The following SYCP2 variants were observed in gnomAD, a reference collection of about 807,000 sequenced individuals.
The protein encoded by SYCP2 is synaptonemal complex lateral element protein.
In SYCP2, 55 loss-of-function variants were observed where a neutral mutation model predicts 211.3. The observed-to-expected ratio is 0.26, with a 90% CI of 0.21 to 0.33. The LOEUF (loss-of-function observed/expected upper bound fraction) is 0.33. SYCP2 is among the 10% of genes least tolerant of loss of function. SYCP2 has a pLI of 1.00. For missense variants in SYCP2, 1,731 were observed against 1,752.0 expected, an observed-to-expected ratio of 0.99 and a Z score of 0.21; for synonymous variants, 570 against 555.2, an observed-to-expected ratio of 1.03 and a Z score of -0.37.
At chr20:59,887,270 A>G (rs2059809702) in intron 24 of SYCP2, among the ~76,000 whole-genome samples, 2 of 151,880 alleles carry the variant, frequency 1.3e-5, no homozygotes, top group Admixed American at 1.3e-4. Flanking sequence ...TCCTTGCAAT[A>G]GTTTGCTGAG....
At chr20:59,920,328 C>T (rs1453729625) in intron 5 of SYCP2, 31 bp downstream of exon 5, 4 of 1,481,654 alleles carry the variant, frequency 2.7e-6, no homozygotes, top group Non-Finnish European at 3.7e-6. Flanking sequence ...ATATTTCATT[C>T]ACATGAATAT....
intron 33 of SYCP2, among the ~76,000 whole-genome samples, chr20:59,876,452 T>C (rs1212585919): frequency 7.1e-6 from 1 of 141,220 alleles, no homozygotes; most frequent in Non-Finnish European, 1.5e-5. Flanking sequence ...TAGGAAGTCT[T>C]TAAAGCATTT....
chr20:59,865,263 T>C (rs778723562), intron 44 of SYCP2, 125 bp downstream of exon 44: 36 of 710,996 alleles, frequency 5.1e-5, no homozygotes, highest in East Asian at 5.5e-5. Context: ...CTAAAAGTAA[T>C]TGGGCTAAAA....
In SYCP2 at chr20:59,892,078, G is replaced by A; in HGVS notation, c.2276C>T (p.Ser759Phe). Reference sequence around the variant, plus strand: ...ATGACTTTGCACATTTTTGCTAGCAGATGGATTTTTATCGCAAGTAGCAGT... The same window carrying A: ...ATGACTTTGCACATTTTTGCTAGCAAATGGATTTTTATCGCAAGTAGCAGT... The part of the protein sequence containing the change: ...VNTATCDKNP[S>F]ASKNVQSHRK... The change falls in exon 24 of 45, where the codon TCT becomes TTT. Residue 759 changes from serine (S) to phenylalanine (F), a missense_variant. By Grantham distance (155) the Ser-to-Phe change is radical (BLOSUM62 -2). Coordinates refer to ENST00000357552, the MANE Select transcript of SYCP2 (RefSeq NM_014258.4). 6.2e-7 allele frequency: 1 copy of A among 1,611,658 alleles called. No homozygotes were observed. Among genetic ancestry groups the A allele is most frequent in the Non-Finnish European group, 8.5e-7 (1 of 1,178,780 alleles).
At chr20:59,903,426 G>GA (rs2060154926) in intron 15 of SYCP2, among the ~76,000 whole-genome samples, 1 of 152,058 alleles carries the variant, frequency 6.6e-6, no homozygotes, top group Non-Finnish European at 1.5e-5. Flanking sequence ...GAAGACATAG[G>GA]ATAAAAGTAG....
intron 2 of SYCP2, among the ~76,000 whole-genome samples, chr20:59,928,638 TAAAAC>T (rs575650898): frequency 8.6e-4 from 131 of 152,188 alleles, no homozygotes; most frequent in African/African-American, 2.6e-3. Flanking sequence ...AATGGATCAA[TAAAAC>T]AAAACAGAAT....
chr20:59,918,341 C>T (rs1300459338), intron 7 of SYCP2, among the ~76,000 whole-genome samples: 1 of 152,178 alleles, frequency 6.6e-6, no homozygotes, highest in African/African-American at 2.4e-5. Flanking sequence ...GAAAGGCAAG[C>T]AATGCTATGC....
At position 59,920,559 on chromosome 20, in the gene SYCP2, G is replaced by A. The variant is rs1298176803; in HGVS notation, c.169-72C>T. The A allele has an allele frequency of 5.9e-6, 7 of 1,184,966 alleles. No individual in the cohort carries two copies. In the Admixed American group the frequency reaches 6.4e-5, roughly 11 times the overall value. 73.4% of individuals were successfully genotyped at this position (1,184,966 alleles called of 1,614,324 possible). A position where few individuals can be genotyped will look rare whatever the true frequency, so the allele number is the denominator to read the frequency against. The stretch of plus-strand genomic sequence containing the variant: ...ATGAAATAGACATTGTACAAGGAGT[G>A]TTACACATATATTTTAATCTTCACA... On this transcript the variant is annotated intron_variant, in intron 4 of 44. Transcript: ENST00000357552.
chr20:59,895,756 A>T (rs878867472), intron 19 of SYCP2, among the ~76,000 whole-genome samples, 159 bp from the exon 20 acceptor site: 6 of 152,122 alleles, frequency 3.9e-5, no homozygotes, highest in South Asian at 4.1e-4. Context: ...CTACCAAGAT[A>T]ATAAGTGAAG....
intron 2 of SYCP2, among the ~76,000 whole-genome samples, chr20:59,928,275 T>C (rs570954398): frequency 6.6e-6 from 1 of 152,320 alleles, no homozygotes; most frequent in South Asian, 2.1e-4. Context: ...CATTTTTTAA[T>C]ATAAATAACT....
At chr20:59,870,863 A>G (rs113520050) in intron 35 of SYCP2, among the ~76,000 whole-genome samples, 4 of 151,832 alleles carry the variant, frequency 2.6e-5, no homozygotes, top group Non-Finnish European at 5.9e-5. Flanking sequence ...TCCACTCCTG[A>G]TGTCGCACTA....
In SYCP2 at chr20:59,896,582, T is replaced by C. The variant is rs2060012285; in HGVS notation, c.1405-54A>G. 3.9e-5 allele frequency: 36 copies of C among 915,922 alleles called. 1 individual carries two copies. In the South Asian group the frequency reaches 5.0e-4, roughly 13 times the overall value. 56.7% of individuals were successfully genotyped at this position (915,922 alleles called of 1,614,324 possible). On this transcript the variant is annotated intron_variant, in intron 18 of 44. Coordinates refer to ENST00000357552, the MANE Select transcript of SYCP2 (RefSeq NM_014258.4). ...TAAACACAGTCTTTTTGAAATTAAA[T>C]ATCCTACAATTTTACTTATAACATT...
chr20:59,916,900 G>C (rs1432990136), intron 7 of SYCP2, among the ~76,000 whole-genome samples: 1 of 152,104 alleles, frequency 6.6e-6, no homozygotes, highest in African/African-American at 2.4e-5. Flanking sequence ...GCCTGGGTGA[G>C]AGTGAGACCC....
intron 14 of SYCP2, among the ~76,000 whole-genome samples, chr20:59,907,660 C>CA (rs909978890): frequency 5.3e-5 from 8 of 151,230 alleles, no homozygotes; most frequent in South Asian, 2.1e-4. Context: ...TATTCTTAAC[C>CA]AAAAAAAAGA....
Position 59,892,035 on chromosome 20 carries a change from T to A in SYCP2, c.2319A>T (p.Glu773Asp), listed in dbSNP as rs949324542. The A allele has an allele frequency of 1.2e-6, 2 of 1,606,344 alleles. No individual in the cohort carries two copies. The highest frequency in any genetic ancestry group is 2.7e-5 in the African/African-American group (2 of 74,540). ...CCCAGGAATTAAGCTCAGAAGTCAATTCTTTCTCTGCTTTTCTATGACTTT... is the reference window on the plus strand; with the variant it reads ...CCCAGGAATTAAGCTCAGAAGTCAAATCTTTCTCTGCTTTTCTATGACTTT... ...NVQSHRKAEK[E>D]LTSELNSWDS... Residue 773 changes from glutamate (E) to aspartate (D), a missense_variant, in exon 24 of 45, where the codon GAA becomes GAT. Coordinates refer to ENST00000357552, the MANE Select transcript of SYCP2 (RefSeq NM_014258.4).
intron 15 of SYCP2, 64 bp from the exon 16 acceptor site, chr20:59,901,874 A>G (rs2060122093): frequency 2.1e-5 from 27 of 1,262,898 alleles, no homozygotes; most frequent in Non-Finnish European, 2.9e-5. Flanking sequence ...TATACTATAA[A>G]TAAGACATGG....
chr20:59,872,604 G>A (rs955613480), intron 35 of SYCP2, among the ~76,000 whole-genome samples: 1 of 151,872 alleles, frequency 6.6e-6, no homozygotes, highest in African/African-American at 2.4e-5. Context: ...ATAGCATTCA[G>A]TGCTATCCTC....
intron 15 of SYCP2, 80 bp from the exon 16 acceptor site, chr20:59,901,890 G>T: frequency 1.8e-6 from 2 of 1,137,106 alleles, no homozygotes; most frequent in African/African-American, 1.6e-5. Context: ...CATGGATGTA[G>T]CAGATTAATT....
intron 26 of SYCP2, chr20:59,884,994 C>T (rs2059758589): frequency 6.6e-6 from 1 of 151,818 alleles, no homozygotes; most frequent in Admixed American, 6.6e-5. Flanking sequence ...AAGGAAGGTA[C>T]AAAGAGAAAT....
Sources: allele counts gnomAD v4.1 joint callset (sites outside exome capture counted in the v4.1 genomes callset), GRCh38; gene constraint gnomAD v4.1.1; transcripts MANE v1.5; gene names NCBI Gene and HGNC (gene_info 2026-07-23, HGNC 2026-07-21).